Variants in FMN2 observed in about 807,000 individuals in gnomAD.
FMN2 encodes the protein formin 2.
In FMN2, 51 loss-of-function variants were observed where a neutral mutation model predicts 142.3. That is an observed-to-expected ratio of 0.36 (90% CI 0.29 to 0.45). The LOEUF is 0.45. Ranked by LOEUF, FMN2 falls within the 20% of genes least tolerant of loss-of-function variation. The pLI is 1.00. For synonymous variants in FMN2, 882 were observed against 869.8 expected, an observed-to-expected ratio of 1.01 and a Z score of -0.25; for missense variants, 1,936 against 2,122.8, an observed-to-expected ratio of 0.91 and a Z score of 1.73.
chr1:240,110,615 G>C (rs373367373), intron 1 of FMN2, among the ~76,000 whole-genome samples: 36 of 152,272 alleles, frequency 2.4e-4, no homozygotes, highest in African/African-American at 8.2e-4. Flanking sequence ...TTTATAGCTA[G>C]TGTATGACTG....
intron 2 of FMN2, among the ~76,000 whole-genome samples, chr1:240,155,916 A>G (rs1664005762): frequency 6.7e-6 from 1 of 149,956 alleles, no homozygotes; most frequent in African/African-American, 2.5e-5. Context: ...TTTAATAATG[A>G]CTAAAACTTG....
intron 14 of FMN2, among the ~76,000 whole-genome samples, chr1:240,380,827 C>T (rs1253580920): frequency 2.7e-5 from 4 of 148,956 alleles, no homozygotes; most frequent in Non-Finnish European, 1.5e-5. Flanking sequence ...AAACGATAAA[C>T]AAAATAGACC....
At chr1:240,245,637 A>G (rs1043522108) in intron 6 of FMN2, 3 of 470,146 alleles carry the variant, frequency 6.4e-6, no homozygotes, top group African/African-American at 6.0e-5. Context: ...GATGTGTAGT[A>G]GGGGTATTAG....
chr1:240,395,077 A>G (rs1673730573), intron 15 of FMN2, among the ~76,000 whole-genome samples: 2 of 152,206 alleles, frequency 1.3e-5, no homozygotes, highest in Admixed American at 1.3e-4. Flanking sequence ...GCCAGTGCAC[A>G]TTCACCATTC....
chr1:240,266,420 T>C (rs1438464934), intron 7 of FMN2, among the ~76,000 whole-genome samples: 3 of 152,008 alleles, frequency 2.0e-5, no homozygotes, highest in African/African-American at 7.2e-5. Context: ...GGCTTTATTT[T>C]TATTTTTGGA....
intron 15 of FMN2, among the ~76,000 whole-genome samples, chr1:240,432,503 G>A (rs1266352186): frequency 6.6e-6 from 1 of 151,698 alleles, no homozygotes; most frequent in Non-Finnish European, 1.5e-5. Flanking sequence ...TTTGTTTTGT[G>A]TTCTTTTTTA....
At chr1:240,427,766 T>C (rs1675010243) in intron 15 of FMN2, among the ~76,000 whole-genome samples, 4 of 152,228 alleles carry the variant, frequency 2.6e-5, no homozygotes, top group African/African-American at 9.6e-5. Context: ...TAGTTAGCTC[T>C]AGATACTCGA....
At chr1:240,296,503 A>G (rs1436261444) in intron 8 of FMN2, among the ~76,000 whole-genome samples, 1 of 116,538 alleles carries the variant, frequency 8.6e-6, no homozygotes, top group African/African-American at 3.5e-5. Context: ...CTGGTATTTA[A>G]GCCTCTGCTC....
intron 8 of FMN2, among the ~76,000 whole-genome samples, chr1:240,303,346 G>A (rs981286234): frequency 2.0e-5 from 3 of 152,166 alleles, no homozygotes; most frequent in African/African-American, 4.8e-5. Flanking sequence ...GGTACAGATC[G>A]AGTGATAATA....
At chr1:240,160,661 A>T (rs1322216560) in intron 2 of FMN2, among the ~76,000 whole-genome samples, 2 of 151,960 alleles carry the variant, frequency 1.3e-5, no homozygotes, top group African/African-American at 4.8e-5. Flanking sequence ...ATATCATTAG[A>T]TGGTGAAATA....
At chr1:240,093,886 G>A (rs1661106690) in intron 1 of FMN2, among the ~76,000 whole-genome samples, 162 bp downstream of exon 1, 1 of 152,176 alleles carries the variant, frequency 6.6e-6, no homozygotes, top group East Asian at 1.9e-4. Context: ...CACCCCCCAC[G>A]GTGAAATGAC....
chr1:240,441,608 C>CTTTTTTTTTTTT, intron 16 of FMN2, among the ~76,000 whole-genome samples: 1 of 125,132 alleles, frequency 8.0e-6, no homozygotes, highest in Non-Finnish European at 1.7e-5. Context: ...GCATATTGGT[C>CTTTTTTTTTTTT]TTTTTTTTTT....
intron 14 of FMN2, among the ~76,000 whole-genome samples, chr1:240,376,698 T>A (rs1366209859): frequency 6.6e-6 from 1 of 152,156 alleles, no homozygotes; most frequent in Non-Finnish European, 1.5e-5. Context: ...AAATACTGCA[T>A]CATTTTATAT....
intron 7 of FMN2, among the ~76,000 whole-genome samples, chr1:240,275,873 G>T (rs1028129668): frequency 6.6e-6 from 1 of 152,112 alleles, no homozygotes; most frequent in Non-Finnish European, 1.5e-5. Flanking sequence ...ATGTCTGTTG[G>T]CTGCATACAT....
chr1:240,142,210 C>T (rs929392625), intron 2 of FMN2, among the ~76,000 whole-genome samples: 1 of 151,856 alleles, frequency 6.6e-6, no homozygotes, highest in African/African-American at 2.4e-5. Flanking sequence ...TCTCATGGTC[C>T]CAGTTAGGCT....
chr1:240,397,233 T>C (rs1226385855), intron 15 of FMN2, among the ~76,000 whole-genome samples: 1 of 152,218 alleles, frequency 6.6e-6, no homozygotes, highest in Non-Finnish European at 1.5e-5. Context: ...TCCATGTTTG[T>C]TGGCCACTTA....
At chr1:240,255,056 A>G (rs568221047) in intron 6 of FMN2, among the ~76,000 whole-genome samples, 1 of 152,258 alleles carries the variant, frequency 6.6e-6, no homozygotes, top group African/African-American at 2.4e-5. Flanking sequence ...CTACGATTGC[A>G]GGAGTCTGTG....
At chr1:240,285,105 T>G in intron 7 of FMN2, 1 of 368,894 alleles carries the variant, frequency 2.7e-6, no homozygotes, top group Admixed American at 2.8e-5. Flanking sequence ...TGTTTTTTGT[T>G]TGAAGAAACA....
At chr1:240,206,455 C>T (rs1666355351) in intron 4 of FMN2, among the ~76,000 whole-genome samples, 1 of 152,068 alleles carries the variant, frequency 6.6e-6, no homozygotes, top group African/African-American at 2.4e-5. Context: ...AGGGAACATC[C>T]TAAAAACCAG....
Sources: allele counts gnomAD v4.1 joint callset (sites outside exome capture counted in the v4.1 genomes callset), GRCh38; gene constraint gnomAD v4.1.1; transcripts MANE v1.5; gene names NCBI Gene and HGNC (gene_info 2026-07-23, HGNC 2026-07-21).